The following OAS3 variants were observed in gnomAD, a reference collection of about 807,000 sequenced individuals.
The protein encoded by OAS3 is 2'-5'-oligoadenylate synthase 3.
In OAS3, 107 loss-of-function variants were observed where a neutral mutation model predicts 113.0. The ratio of observed to expected loss-of-function variants is 0.95; its 90% CI spans 0.81 to 1.11. OAS3 has a LOEUF of 1.11. Among genes scored for constraint, OAS3 ranks in the 50% most tolerant of loss-of-function variants. The probability of loss-of-function intolerance (pLI) is 0.00; values close to 1 mark genes in which losing one functional copy is unlikely to be tolerated. For synonymous variants in OAS3, 552 were observed against 573.6 expected (o/e 0.96, Z 0.54); for missense variants, 1,258 against 1,389.1 (o/e 0.91, Z 1.50).
At chr12:112,962,463 A>G (rs1012226999) in intron 8 of OAS3, among the ~76,000 whole-genome samples, 189 bp from the exon 9 acceptor site, 2 of 152,220 alleles carry the variant, frequency 1.3e-5, no homozygotes, top group Non-Finnish European at 2.9e-5. Context: ...GTCTCACTGT[A>G]TGACCTTAGA....
In OAS3 at chr12:112,971,892, G is replaced by A. The variant is rs528697224; in HGVS notation, c.*1919G>A. 1.5e-4 allele frequency: 23 copies of A among 152,406 alleles called. No homozygotes were observed. Among genetic ancestry groups the A allele is most frequent in the African/African-American group, 4.8e-4 (20 of 41,570 alleles). The allele number at this position is 152,406 out of a possible 1,614,324, so 9.4% of individuals were successfully genotyped here. A position where few individuals can be genotyped will look rare whatever the true frequency, so the allele number is the denominator to read the frequency against. Reference sequence around the variant, plus strand: ...CATCTTGGTGCTGAACCAACGCTAAGGGCACCTTCTTAGACTCACCTCATC... The same window carrying A: ...CATCTTGGTGCTGAACCAACGCTAAAGGCACCTTCTTAGACTCACCTCATC... On this transcript the variant is annotated 3_prime_UTR_variant, in exon 16 of 16. Transcript: ENST00000228928.
chr12:112,938,589 AG>A lies in OAS3; in HGVS notation c.60del (p.Gln20HisfsTer7). Reference sequence around the variant, plus strand: ...GACAGGTTCGTGGCCAGAAGGCTGCAGCCGCGGAAGGAGTTCGTAGAGAAGG... The same window carrying A: ...GACAGGTTCGTGGCCAGAAGGCTGCACCGCGGAAGGAGTTCGTAGAGAAGG... The part of the protein sequence containing the change: ...ALDRFVARRL[Q>X]PRKEFVEKAR... On this transcript the variant is annotated frameshift_variant, in exon 1 of 16. Coordinates refer to ENST00000228928, the MANE Select transcript of OAS3 (RefSeq NM_006187.4). LOFTEE classifies it high-confidence loss of function. 6.2e-7 allele frequency: 1 copy of A among 1,610,560 alleles called. No homozygotes were observed. Among genetic ancestry groups the A allele is most frequent in the Non-Finnish European group, 8.5e-7 (1 of 1,178,918 alleles).
At position 112,948,073 on chromosome 12, in the gene OAS3, G is replaced by A. The variant is rs2043750214; in HGVS notation, c.1003G>A (p.Asp335Asn). The A allele has an allele frequency of 8.3e-6, 13 of 1,565,174 alleles. No homozygotes were observed. Among genetic ancestry groups the A allele is most frequent in the African/African-American group, 1.4e-5 (1 of 72,896 alleles). Residue 335 changes from aspartate to asparagine, a missense_variant, in exon 5 of 16, where the codon GAC (aspartate) becomes AAC (asparagine). Transcript: ENST00000228928. ...CCCATGCTTTCTGAGGGGGATGGGG[G>A]ACCCAGTGCAGTCTTGGAAGGGGCC... ...DHPCFLRGMG[D>N]PVQSWKGPGL... is the part of the protein sequence containing the mutation.
At chr12:112,960,913 G>A (rs1374070934) in intron 7 of OAS3, among the ~76,000 whole-genome samples, 158 bp from the exon 8 acceptor site, 1 of 152,174 alleles carries the variant, frequency 6.6e-6, no homozygotes, top group Non-Finnish European at 1.5e-5. Context: ...CTGAAAAAAT[G>A]ATAGCTCTGA....
chr12:112,950,262 AGGAG>A (rs557048985), intron 6 of OAS3, among the ~76,000 whole-genome samples: 18 of 148,498 alleles, frequency 1.2e-4, no homozygotes, highest in South Asian at 4.5e-4. Flanking sequence ...TCCCGTGTGA[AGGAG>A]GGAGGGAGGG....
At chr12:112,941,493 C>A in intron 1 of OAS3, 77 bp from the exon 2 acceptor site, 1 of 1,496,808 alleles carries the variant, frequency 6.7e-7, no homozygotes, top group South Asian at 1.3e-5. Context: ...ACACTTGCCT[C>A]ACTCAAGTTG....
intron 7 of OAS3, among the ~76,000 whole-genome samples, chr12:112,953,141 C>T (rs1056558817): frequency 5.3e-4 from 81 of 151,788 alleles, no homozygotes; most frequent in Non-Finnish European, 9.4e-4. Flanking sequence ...TCCCCACTCC[C>T]CCCACCCCAC....
chr12:112,955,958 T>A (rs183742341), intron 7 of OAS3, among the ~76,000 whole-genome samples: 4 of 152,350 alleles, frequency 2.6e-5, no homozygotes, highest in Admixed American at 2.0e-4. Flanking sequence ...TGTGAATCCA[T>A]CTGGTCCTGG....
In OAS3 at chr12:112,948,954, G is replaced by A; in HGVS notation, c.1123G>A (p.Val375Met). 3.1e-6 allele frequency: 5 copies of A among 1,613,644 alleles called. No homozygotes were observed. The highest frequency in any genetic ancestry group is 4.2e-6 in the Non-Finnish European group (5 of 1,179,752). ...TPENSKSLNA[V>M]YPRAGSKPPS... ...TGAAAACAGCAAGAGCCTCAATGCT[G>A]TGTACCCAAGAGCAGGGAGCAAACC... The change falls in exon 6 of 16, where the codon GTG (valine) becomes ATG (methionine). Residue 375 changes from valine to methionine, a missense_variant. By Grantham distance (21) the Val-to-Met change is conservative (BLOSUM62 1). Transcript: ENST00000228928.
At chr12:112,969,816 G>C in intron 15 of OAS3, 61 bp downstream of exon 15, 3 of 1,600,430 alleles carry the variant, frequency 1.9e-6, no homozygotes, top group Non-Finnish European at 2.6e-6. Context: ...GCATGGTCAG[G>C]GGAGGGACAT....
Position 112,964,365 on chromosome 12 carries a change from A to G in OAS3, c.2360A>G (p.Asn787Ser). ...VDTICSFLKE[N>S]CFRNSPIKVI... Reference sequence around the variant, plus strand: ...ACCATCTGTTCATTTTTGAAGGAAAACTGCTTCCGGAATTCTCCCATCAAA... The same window carrying G: ...ACCATCTGTTCATTTTTGAAGGAAAGCTGCTTCCGGAATTCTCCCATCAAA... Residue 787 changes from asparagine (N) to serine (S), a missense_variant, in exon 11 of 16, where the codon AAC becomes AGC. By Grantham distance (46) the Asn-to-Ser change is conservative. Coordinates refer to ENST00000228928, the MANE Select transcript of OAS3 (RefSeq NM_006187.4). 3.1e-6 allele frequency: 5 copies of G among 1,612,608 alleles called. No homozygotes were observed. The highest frequency in any genetic ancestry group is 4.2e-6 in the Non-Finnish European group (5 of 1,179,426).
At chr12:112,938,944 C>T (rs1004423884) in intron 1 of OAS3, among the ~76,000 whole-genome samples, 2 of 152,212 alleles carry the variant, frequency 1.3e-5, no homozygotes, top group Admixed American at 6.5e-5. Context: ...GGTACAGTGA[C>T]GTGTCCGATC....
At position 112,969,709 on chromosome 12, in the gene OAS3, G is replaced by A. The variant is rs2043967166; in HGVS notation, c.3206G>A (p.Cys1069Tyr). The A allele has an allele frequency of 6.2e-7, 1 of 1,613,202 alleles. No individual in the cohort carries two copies. Among genetic ancestry groups the A allele is most frequent in the Non-Finnish European group, 8.5e-7 (1 of 1,179,682 alleles). Residue 1069 changes from cysteine to tyrosine, a missense_variant, in exon 15 of 16, where the codon TGC becomes TAC. Cys to Tyr is a radical substitution (Grantham distance 194). Transcript: ENST00000228928. ...KEAAACTSAL[C>Y]CMGRNGIPIQ... ...GCTGCAGCCTGCACATCTGCCCTGT[G>A]CTGCATGGGACGGAATGGCATCCCC...
rs1440901699 is a variant in OAS3, at chr12:112,963,340, CACCTGGA to C, written c.2115_2121del (p.Asn707AlafsTer22). 1 of 1,573,552 alleles carries C rather than the reference CACCTGGA, an allele frequency of 6.4e-7. No homozygotes were observed. Among genetic ancestry groups the C allele is most frequent in the East Asian group, 2.4e-5 (1 of 42,130 alleles). On this transcript the variant is annotated frameshift_variant, in exon 10 of 16. Coordinates refer to ENST00000228928, the MANE Select transcript of OAS3 (RefSeq NM_006187.4). LOFTEE classifies it high-confidence loss of function. This position sits in a 1 kb window ranked among gnomAD's most constrained non-coding sequence, Gnocchi z 4.6. ...CCCTGGTCCTGGACCCCGCTGATCC[CACCTGGA>C]ACGTGGGCCACGGTAGCTGGGAGCT...
intron 14 of OAS3, among the ~76,000 whole-genome samples, chr12:112,968,677 G>A (rs1450647268): frequency 6.6e-6 from 1 of 152,184 alleles, no homozygotes; most frequent in Non-Finnish European, 1.5e-5. Context: ...ACCAGGTCCA[G>A]CTAATTTTTG....
At chr12:112,947,818 C>T in intron 4 of OAS3, 128 bp from the exon 5 acceptor site, 4 of 791,782 alleles carry the variant, frequency 5.1e-6, no homozygotes, top group Non-Finnish European at 7.6e-6. Flanking sequence ...AATCGAGGCT[C>T]AGAGAGGGTA....
At position 112,961,100 on chromosome 12, in the gene OAS3, C is replaced by T. The variant is rs372564482; in HGVS notation, c.1687C>T (p.Pro563Ser). 17 of 1,613,706 alleles carry T rather than the reference C, an allele frequency of 1.1e-5. No individual in the cohort carries two copies. The African/African-American group carries it at 2.1e-4, about 20-fold the overall frequency. Residue 563 changes from proline (P) to serine (S), a missense_variant, in exon 8 of 16, where the codon CCC becomes TCC. Physicochemically the swap from Pro to Ser is moderately conservative, Grantham distance 74 (BLOSUM62 -1). Transcript: ENST00000228928. ...GCTCAGTTCTGGCACCAAACCAAAT[C>T]CCCAGGTCTACTCGAGGCTCCTCAC... Reference protein sequence around the residue: ...GQLSSGTKPNPQVYSRLLTSG... With the variant: ...GQLSSGTKPNSQVYSRLLTSG...
chr12:112,950,417 A>C (rs1191103992), intron 6 of OAS3, among the ~76,000 whole-genome samples: 1 of 152,100 alleles, frequency 6.6e-6, no homozygotes, highest in Non-Finnish European at 1.5e-5. Context: ...CGCTGCCCCT[A>C]CTTAATCCCA....
chr12:112,956,043 C>A (rs1230430755), intron 7 of OAS3, among the ~76,000 whole-genome samples: 1 of 152,158 alleles, frequency 6.6e-6, no homozygotes, highest in Non-Finnish European at 1.5e-5. Context: ...AGGGATTCAA[C>A]TTCTTCCTGG....
Sources: gnomAD v4.1 joint callset for allele counts (sites outside exome capture counted in the v4.1 genomes callset) on GRCh38, gnomAD v4.1.1 for gene constraint, Gnocchi (gnomAD v3.1) non-coding constraint, MANE v1.5 for transcripts, NCBI Gene and HGNC (gene_info 2026-07-23, HGNC 2026-07-21) for gene names.